YEATS2: variants seen among roughly 807,000 people sequenced by gnomAD.
YEATS2 encodes the protein YEATS domain-containing protein 2.
YEATS2 carries 77 observed loss-of-function variants against 163.2 expected under a neutral mutation model. The observed-to-expected ratio is 0.47, with a 90% CI of 0.39 to 0.57. The LOEUF is 0.57. Ranked by LOEUF, YEATS2 falls within the 20% of genes least tolerant of loss-of-function variation. YEATS2 has a pLI of 0.00. For missense variants in YEATS2, 1,549 were observed against 1,729.8 expected (o/e 0.90, Z 1.85); for synonymous variants, 631 against 645.1 (o/e 0.98, Z 0.33).
intron 19 of YEATS2, among the ~76,000 whole-genome samples, chr3:183,779,804 TCTC>T (rs892178568): frequency 1.4e-3 from 208 of 152,100 alleles, no homozygotes; most frequent in African/African-American, 4.7e-3. Context: ...TTCAAGCAAT[TCTC>T]CTGCCTCAGC....
chr3:183,722,996 C>G (rs1194844999), intron 5 of YEATS2, among the ~76,000 whole-genome samples: 4 of 152,196 alleles, frequency 2.6e-5, no homozygotes, highest in African/African-American at 9.7e-5. Context: ...ATTCTGTGCA[C>G]AGCACAGCTC....
intron 15 of YEATS2, among the ~76,000 whole-genome samples, chr3:183,769,108 C>T (rs1722201667): frequency 6.6e-6 from 1 of 152,160 alleles, no homozygotes; most frequent in African/African-American, 2.4e-5. Flanking sequence ...TATTCTGTTT[C>T]TTCTTTTCTT....
intron 1 of YEATS2, among the ~76,000 whole-genome samples, chr3:183,700,829 T>G (rs1028833142): frequency 6.7e-6 from 1 of 150,218 alleles, no homozygotes; most frequent in Non-Finnish European, 1.5e-5. Context: ...ATGATTCTAT[T>G]TATACGAAAT....
At chr3:183,725,517 C>A (rs983398467) in intron 6 of YEATS2, among the ~76,000 whole-genome samples, 1 of 152,194 alleles carries the variant, frequency 6.6e-6, no homozygotes, top group Non-Finnish European at 1.5e-5. Context: ...CCTCACAATC[C>A]TGGCGGAAGG....
chr3:183,760,337 T>TTG (rs1721215729), intron 13 of YEATS2, among the ~76,000 whole-genome samples: 1 of 123,900 alleles, frequency 8.1e-6, no homozygotes, highest in Non-Finnish European at 1.8e-5. Context: ...TTTTTTTTTT[T>TTG]TGAGACAGAG....
In YEATS2 at chr3:183,711,923, G is replaced by A. The variant is rs566111287; in HGVS notation, c.-19-3221G>A. ...CAGCCTCCATTTCCCGGGTTCAAGCGATTCTCCTGCCTCAGCCTCCTGAGT... is the reference window on the plus strand; with the variant it reads ...CAGCCTCCATTTCCCGGGTTCAAGCAATTCTCCTGCCTCAGCCTCCTGAGT... On this transcript the variant is annotated intron_variant, in intron 1 of 30. Transcript: ENST00000305135. Among the ~76,000 whole-genome samples the A allele has an allele frequency of 2.0e-5, 3 of 151,210 alleles. No individual in the cohort carries two copies. In the South Asian group the frequency reaches 6.3e-4, roughly 32 times the overall value.
chr3:183,705,801 A>G (rs911910953), intron 1 of YEATS2, among the ~76,000 whole-genome samples: 1 of 152,156 alleles, frequency 6.6e-6, no homozygotes, highest in Non-Finnish European at 1.5e-5. Context: ...GCACTTTGGG[A>G]GGCCGGGGCA....
At chr3:183,749,920 C>T (rs1430889143) in intron 9 of YEATS2, among the ~76,000 whole-genome samples, 2 of 152,150 alleles carry the variant, frequency 1.3e-5, no homozygotes, top group Admixed American at 1.3e-4. Context: ...CGGGTTCACG[C>T]CATTCTCCTG....
chr3:183,756,527 G>C lies in YEATS2; in HGVS notation c.1391-1G>C. The C allele has an allele frequency of 6.5e-7, 1 of 1,540,758 alleles. No homozygotes were observed. Among genetic ancestry groups the C allele is most frequent in the South Asian group, 1.3e-5 (1 of 78,120 alleles). On this transcript the variant is annotated splice_acceptor_variant, in intron 11 of 30. Transcript: ENST00000305135. LOFTEE classifies it high-confidence loss of function. ...TGTATTCTCTCTTTTTAATTAATAA[G>C]GTTCCCCAATATCAACTCCAAGCCC...
chr3:183,809,774 A>G (rs1018789634), intron 30 of YEATS2, among the ~76,000 whole-genome samples: 1 of 152,298 alleles, frequency 6.6e-6, no homozygotes, highest in Non-Finnish European at 1.5e-5. Context: ...TTTCTTTCGG[A>G]GGAAACAAAT....
intron 12 of YEATS2, 122 bp downstream of exon 12, chr3:183,756,811 A>C: frequency 2.2e-6 from 2 of 914,546 alleles, no homozygotes; most frequent in Admixed American, 8.4e-5. Flanking sequence ...GAGAAGCGAG[A>C]ATAAGTAAAA....
rs1176429941 is a variant in YEATS2 at position 183,707,678 on chromosome 3, A to ATTTT, written c.-19-7446_-19-7443dup. Among the ~76,000 whole-genome samples, 405 of 106,102 alleles carry ATTTT rather than the reference A, an allele frequency of 3.8e-3. 18 individuals carry two copies. The highest frequency in any genetic ancestry group is 0.014 in the African/African-American group (374 of 26,532). 69.6% of individuals were successfully genotyped at this position (106,102 alleles called of 152,430 possible). On this transcript the variant is annotated intron_variant, in intron 1 of 30. Coordinates refer to ENST00000305135, the MANE Select transcript of YEATS2 (RefSeq NM_018023.5). ...ATTGTACTACTCCCCTTCCCCACCT[A>ATTTT]TTTTTTTTTTTTTTTTTTTTTTTGA...
Position 183,717,748 on chromosome 3 carries a change from G to A in YEATS2, c.198G>A (p.Gln66=). The change falls in exon 3 of 31, where the codon CAG becomes CAA. Residue 66 remains glutamine, a splice_region_variant and synonymous_variant. Transcript: ENST00000305135. ...AACATGAAATTGAAGTCATTGACCA[G>A]GTATAATGATGATAAATTGAAATAA... ...NKEHEIEVID[Q]RLIEARRMMD... 1 of 1,497,502 alleles carries A rather than the reference G, an allele frequency of 6.7e-7. No homozygotes were observed. The highest frequency in any genetic ancestry group is 8.9e-7 in the Non-Finnish European group (1 of 1,125,138). The allele number at this position is 1,497,502 out of a possible 1,614,324, so 92.8% of individuals were successfully genotyped here. A position where few individuals can be genotyped will look rare whatever the true frequency, so the allele number is the denominator to read the frequency against.
chr3:183,702,707 C>T (rs1013873856), intron 1 of YEATS2, among the ~76,000 whole-genome samples: 14 of 151,144 alleles, frequency 9.3e-5, no homozygotes, highest in East Asian at 2.0e-4. Context: ...TGGTGGTGTG[C>T]GCCTGTAGTC....
At chr3:183,788,287 C>T (rs1724260707) in intron 20 of YEATS2, among the ~76,000 whole-genome samples, 1 of 152,074 alleles carries the variant, frequency 6.6e-6, no homozygotes, top group South Asian at 2.1e-4. Flanking sequence ...ACCATCCCCA[C>T]TCCCTCCCTC....
At chr3:183,797,891 T>A in intron 21 of YEATS2, 32 bp from the exon 22 acceptor site, 1 of 1,612,824 alleles carries the variant, frequency 6.2e-7, no homozygotes, top group Non-Finnish European at 8.5e-7. Flanking sequence ...CACCTGACCT[T>A]CAACTTGGCT....
intron 21 of YEATS2, among the ~76,000 whole-genome samples, chr3:183,791,938 A>G (rs1179108146): frequency 6.6e-6 from 1 of 152,204 alleles, no homozygotes; most frequent in Admixed American, 6.5e-5. Context: ...ATTGATAATA[A>G]TACCTACTTC....
At chr3:183,802,186 A>T (rs190619895) in intron 25 of YEATS2, 1 of 152,586 alleles carries the variant, frequency 6.6e-6, no homozygotes, top group Admixed American at 6.5e-5. Flanking sequence ...GACAGAATCA[A>T]TAGCCCTTGC....
In YEATS2 at chr3:183,804,175, C is replaced by A; in HGVS notation, c.3771C>A (p.Ile1257=). The change falls in exon 27 of 31, where the codon ATC becomes ATA. Residue 1257 remains isoleucine, a synonymous_variant. Coordinates refer to ENST00000305135, the MANE Select transcript of YEATS2 (RefSeq NM_018023.5). ...CCATCGAGGACGTGCTGACCCAGAT[C>A]GACAGCGAGCCCGGTAAGCCTTCAG... ...GDSIEDVLTQ[I]DSEPECPSSF... is the part of the protein sequence containing the mutation. 1.9e-6 allele frequency: 3 copies of A among 1,614,144 alleles called. No homozygotes were observed. Among genetic ancestry groups the A allele is most frequent in the African/African-American group, 1.3e-5 (1 of 75,036 alleles).
Sources: gnomAD v4.1 joint callset for allele counts (sites outside exome capture counted in the v4.1 genomes callset) on GRCh38, gnomAD v4.1.1 for gene constraint, MANE v1.5 for transcripts, NCBI Gene and HGNC (gene_info 2026-07-23, HGNC 2026-07-21) for gene names.